Variants in TUBGCP4 observed in about 807,000 individuals in gnomAD.
The protein encoded by TUBGCP4 is tubulin gamma complex component 4, also known as gamma-tubulin complex component 4.
In TUBGCP4, 54 loss-of-function variants were observed where a neutral mutation model predicts 91.6. The observed-to-expected ratio is 0.59, with a 90% CI of 0.47 to 0.74. The LOEUF is 0.74. TUBGCP4 is among the 30% of genes least tolerant of loss of function. The pLI, the probability that TUBGCP4 is intolerant of heterozygous loss-of-function variation, is 0.00. For missense variants in TUBGCP4, 593 were observed against 800.9 expected (o/e 0.74, Z 3.13); for synonymous variants, 297 against 302.8 (o/e 0.98, Z 0.20).
At position 43,395,702 on chromosome 15, in the gene TUBGCP4, G is replaced by A. The variant is rs758074106; in HGVS notation, c.1171+14G>A. On this transcript the variant is annotated intron_variant, in intron 11 of 17. Coordinates refer to ENST00000564079, the MANE Select transcript of TUBGCP4 (RefSeq NM_014444.5). ...TAACTGAGCATGGTAATTGTCAGTG[G>A]CCCTGAGAATGATCAACTGATTGAC... 3.8e-6 allele frequency: 6 copies of A among 1,596,816 alleles called. No individual in the cohort carries two copies. In the African/African-American group the frequency reaches 5.4e-5, roughly 14 times the overall value.
chr15:43,398,333 C>T, intron 13 of TUBGCP4, 154 bp downstream of exon 13: 2 of 744,210 alleles, frequency 2.7e-6, no homozygotes. Flanking sequence ...ATCCCTTAAG[C>T]CCAGGATTTC....
Position 43,383,177 on chromosome 15 carries a change from A to C in TUBGCP4, c.522-126A>C, listed in dbSNP as rs2044309043. The C allele has an allele frequency of 4.1e-6, 3 of 735,438 alleles. No homozygotes were observed. The Admixed American group carries it at 1.1e-4, about 26-fold the overall frequency. 45.6% of individuals were successfully genotyped at this position (735,438 alleles called of 1,614,324 possible). A position where few individuals can be genotyped will look rare whatever the true frequency, so the allele number is the denominator to read the frequency against. ...GTTAGTTCACCCACATTTAAATTAA[A>C]ATAGCACAATTATTTTTAACTTAAT... On this transcript the variant is annotated intron_variant, in intron 6 of 17. Coordinates refer to ENST00000564079, the MANE Select transcript of TUBGCP4 (RefSeq NM_014444.5).
Position 43,407,922 on chromosome 15 carries a change from TAC to T in TUBGCP4, c.*2715_*2716del, listed in dbSNP as rs1467140731. The T allele has an allele frequency of 1.2e-6, 2 of 1,605,038 alleles. No homozygotes were observed. The highest frequency in any genetic ancestry group is 1.1e-5 in the South Asian group (1 of 90,434). On this transcript the variant is annotated 3_prime_UTR_variant, in exon 18 of 18. Transcript: ENST00000564079. ...AAGGAGATCCCTGGAACAAAGACAC[TAC>T]ACACACTCTTTCAGGTACCTTTGTT...
At chr15:43,401,536 T>C (rs2044680347) in intron 14 of TUBGCP4, among the ~76,000 whole-genome samples, 180 bp from the exon 15 acceptor site, 1 of 151,986 alleles carries the variant, frequency 6.6e-6, no homozygotes, top group Non-Finnish European at 1.5e-5. Context: ...TTCAGAATTA[T>C]GCAAATAACT....
At chr15:43,382,204 C>T (rs1215655401) in intron 6 of TUBGCP4, among the ~76,000 whole-genome samples, 1 of 146,192 alleles carries the variant, frequency 6.8e-6, no homozygotes, top group East Asian at 2.0e-4. Flanking sequence ...AGAGTGAGAC[C>T]CTGTCTCAAA....
Position 43,376,330 on chromosome 15 carries a change from C to T in TUBGCP4, c.207+104C>T, listed in dbSNP as rs114592910. ...TATGTCAAGCTTTCAGTGAATTTAT[C>T]GGTAATTCATGTGAAATAAGTTATG... On this transcript the variant is annotated intron_variant, in intron 2 of 17. Transcript: ENST00000564079. The T allele has an allele frequency of 2.1e-3, 3,282 of 1,594,926 alleles. 42 individuals are homozygous for T. In the African/African-American group the frequency reaches 0.032, roughly 16 times the overall value.
intron 15 of TUBGCP4, chr15:43,403,219 G>C (rs1203269586): frequency 6.5e-6 from 1 of 153,344 alleles, no homozygotes; most frequent in East Asian, 1.9e-4. Context: ...ACAACACAGA[G>C]GCCTGAACAA....
chr15:43,408,136 C>A lies in TUBGCP4; in HGVS notation c.*2922C>A. ...CCTTAGCATGACAAGTAATATCCAA[C>A]AAACTGCCTTTCTGCAAAGGGACTC... On this transcript the variant is annotated 3_prime_UTR_variant, in exon 18 of 18. Transcript: ENST00000564079. The A allele has an allele frequency of 1.3e-6, 2 of 1,584,454 alleles. No individual in the cohort carries two copies. The highest frequency in any genetic ancestry group is 1.7e-6 in the Non-Finnish European group (2 of 1,162,752).
Position 43,408,878 on chromosome 15 carries a change from A to C in TUBGCP4, c.*3664A>C. ...TGTCCTCCTGCCTATACAATTCTGG[A>C]TGGGCTTCAAATACTTACCAGTCCA... On this transcript the variant is annotated 3_prime_UTR_variant, in exon 18 of 18. Coordinates refer to ENST00000564079, the MANE Select transcript of TUBGCP4 (RefSeq NM_014444.5). The C allele has an allele frequency of 6.2e-7, 1 of 1,613,308 alleles. No individual in the cohort carries two copies. The highest frequency in any genetic ancestry group is 1.3e-5 in the African/African-American group (1 of 74,986).
intron 6 of TUBGCP4, among the ~76,000 whole-genome samples, chr15:43,382,491 C>T (rs753149935): frequency 3.9e-5 from 6 of 152,118 alleles, no homozygotes; most frequent in African/African-American, 1.2e-4. Context: ...TTTTGGATGA[C>T]GCTGACATTT....
Position 43,407,876 on chromosome 15 carries a change from A to G in TUBGCP4, c.*2662A>G. 2 of 1,489,032 alleles carry G rather than the reference A, an allele frequency of 1.3e-6. No individual in the cohort carries two copies. Among genetic ancestry groups the G allele is most frequent in the Non-Finnish European group, 1.8e-6 (2 of 1,107,336 alleles). The allele number at this position is 1,489,032 out of a possible 1,614,324, so 92.2% of individuals were successfully genotyped here. A position where few individuals can be genotyped will look rare whatever the true frequency, so the allele number is the denominator to read the frequency against. ...TATTAGGCCTGAGCCTTGGACCACAAGGCCTAACACCTACAGGTCTAAGGA... is the reference window on the plus strand; with the variant it reads ...TATTAGGCCTGAGCCTTGGACCACAGGGCCTAACACCTACAGGTCTAAGGA... On this transcript the variant is annotated 3_prime_UTR_variant, in exon 18 of 18. Transcript: ENST00000564079.
intron 12 of TUBGCP4, 92 bp downstream of exon 12, chr15:43,397,413 G>A (rs2142865497): frequency 1.0e-6 from 1 of 978,226 alleles, no homozygotes; most frequent in Non-Finnish European, 1.6e-6. Flanking sequence ...GAAACCATAT[G>A]ATTTTGGATC....
chr15:43,398,382 TAAA>T (rs3038777), intron 13 of TUBGCP4: 3,508 of 276,328 alleles, frequency 0.013, no homozygotes, highest in East Asian at 0.043. Flanking sequence ...CCCCATCTCA[TAAA>T]AAAAAAAAAA....
At chr15:43,380,038 G>A (rs778611954) in intron 5 of TUBGCP4, 46 bp from the exon 6 acceptor site, 1 of 1,573,714 alleles carries the variant, frequency 6.4e-7, no homozygotes. Context: ...GTCTTGCATG[G>A]ACTCTTAGAA....
chr15:43,407,724 A>C lies in TUBGCP4; in HGVS notation c.*2510A>C, dbSNP rs534424847. 3.1e-5 allele frequency: 25 copies of C among 814,448 alleles called. No homozygotes were observed. Among genetic ancestry groups the C allele is most frequent in the Non-Finnish European group, 2.9e-5 (15 of 526,040 alleles). 50.5% of individuals were successfully genotyped at this position (814,448 alleles called of 1,614,324 possible). A position where few individuals can be genotyped will look rare whatever the true frequency, so the allele number is the denominator to read the frequency against. Reference sequence around the variant, plus strand: ...TGCTACTGATCATGACCAAAGGCAGAGTTATAATCACTATGTGCTGACCTT... The same window carrying C: ...TGCTACTGATCATGACCAAAGGCAGCGTTATAATCACTATGTGCTGACCTT... On this transcript the variant is annotated 3_prime_UTR_variant, in exon 18 of 18. Coordinates refer to ENST00000564079, the MANE Select transcript of TUBGCP4 (RefSeq NM_014444.5).
chr15:43,401,502 A>T (rs578124819), intron 14 of TUBGCP4, among the ~76,000 whole-genome samples: 7 of 151,904 alleles, frequency 4.6e-5, no homozygotes, highest in South Asian at 2.1e-4. Flanking sequence ...GAGAGTGGTC[A>T]GCCAGGACGT....
intron 9 of TUBGCP4, among the ~76,000 whole-genome samples, chr15:43,390,382 A>G (rs1206832056): frequency 1.3e-5 from 2 of 152,044 alleles, no homozygotes; most frequent in African/African-American, 4.8e-5. Context: ...CTAGGAATTT[A>G]CCTATTTCAT....
intron 14 of TUBGCP4, 129 bp downstream of exon 14, chr15:43,400,350 A>G (rs2044652883): frequency 1.6e-6 from 1 of 609,906 alleles, no homozygotes; most frequent in Non-Finnish European, 2.8e-6. Context: ...TTCAGGAGTT[A>G]TATCACCAAG....
rs780770730 is a variant in TUBGCP4 at position 43,380,069 on chromosome 15, C to T, written c.442-15C>T. On this transcript the variant is annotated splice_polypyrimidine_tract_variant and intron_variant, in intron 5 of 17. Transcript: ENST00000564079. ...TAGAATGGAATCCAGTTTGACAAGGCCGTATTTTCCACAGATTCATGGTTG... is the reference window on the plus strand; with the variant it reads ...TAGAATGGAATCCAGTTTGACAAGGTCGTATTTTCCACAGATTCATGGTTG... The T allele has an allele frequency of 1.2e-6, 2 of 1,613,508 alleles. No homozygotes were observed. The highest frequency in any genetic ancestry group is 2.7e-5 in the African/African-American group (2 of 75,006).
Sources: allele counts gnomAD v4.1 joint callset (sites outside exome capture counted in the v4.1 genomes callset), GRCh38; gene constraint gnomAD v4.1.1; transcripts MANE v1.5; gene names NCBI Gene and HGNC (gene_info 2026-07-23, HGNC 2026-07-21).